DCC: variants seen among roughly 807,000 people sequenced by gnomAD.
DCC encodes netrin receptor DCC.
Under a neutral mutation model 172.5 loss-of-function variants are expected in DCC, and 58 were observed. That is an observed-to-expected ratio of 0.34 (90% confidence interval 0.27 to 0.42). DCC has a LOEUF of 0.42. DCC is among the 10% of genes least tolerant of loss of function. The pLI, the probability that DCC is intolerant of heterozygous loss-of-function variation, is 1.00. For missense variants in DCC, 1,740 were observed against 1,791.0 expected, an observed-to-expected ratio of 0.97 and a Z score of 0.51; for synonymous variants, 709 against 644.5, an observed-to-expected ratio of 1.10 and a Z score of -1.52.
chr18:53,093,730 T>G (rs1447505561), intron 7 of DCC, among the ~76,000 whole-genome samples: 3 of 152,200 alleles, frequency 2.0e-5, no homozygotes, highest in African/African-American at 7.2e-5. Context: ...CTGATTGGCA[T>G]TCATGCTTGA....
chr18:52,503,466 T>C lies in DCC; in HGVS notation c.91+162588T>C, dbSNP rs985111217. On this transcript the variant is annotated intron_variant, in intron 1 of 28. Coordinates refer to ENST00000442544, the MANE Select transcript of DCC (RefSeq NM_005215.4). ...CCCTGAAATACAATATATTTATACA[T>C]AGATAAGTATACGTTTACCTATGAA... Among the ~76,000 whole-genome samples, 14 of 152,258 alleles carry C rather than the reference T, an allele frequency of 9.2e-5. No homozygotes were observed. In the South Asian group the frequency reaches 2.3e-3, roughly 25 times the overall value.
intron 1 of DCC, among the ~76,000 whole-genome samples, chr18:52,481,400 G>T (rs1310527852): frequency 6.7e-6 from 1 of 149,664 alleles, no homozygotes; most frequent in Non-Finnish European, 1.5e-5. Flanking sequence ...ATCTACCAAG[G>T]GTAGGTGAGA....
intron 5 of DCC, among the ~76,000 whole-genome samples, chr18:53,015,144 TCTG>T (rs1469513465): frequency 6.6e-6 from 1 of 152,206 alleles, no homozygotes; most frequent in African/African-American, 2.4e-5. Flanking sequence ...CGAAAATTCT[TCTG>T]CTTCCTGGGA....
At chr18:53,362,330 G>A (rs1568082609) in intron 15 of DCC, among the ~76,000 whole-genome samples, 1 of 152,036 alleles carries the variant, frequency 6.6e-6, no homozygotes, top group Admixed American at 6.6e-5. Flanking sequence ...TGCAACTCTG[G>A]GTAATAATAG....
intron 6 of DCC, among the ~76,000 whole-genome samples, chr18:53,065,333 G>A (rs1298038834): frequency 1.3e-5 from 2 of 152,076 alleles, no homozygotes; most frequent in Admixed American, 1.3e-4. Context: ...AACTGAATTA[G>A]TATAATTAAA....
chr18:52,364,653 C>A (rs536841925), intron 1 of DCC, among the ~76,000 whole-genome samples: 27 of 152,302 alleles, frequency 1.8e-4, no homozygotes, highest in African/African-American at 5.1e-4. Flanking sequence ...CCTTATTATG[C>A]CTCTGCCTTA....
chr18:53,513,131 G>A (rs968079718), intron 27 of DCC, among the ~76,000 whole-genome samples: 2 of 152,208 alleles, frequency 1.3e-5, no homozygotes, highest in South Asian at 2.1e-4. Flanking sequence ...AATCCTACAA[G>A]CCAAAAGAGA....
intron 7 of DCC, among the ~76,000 whole-genome samples, chr18:53,125,153 C>A (rs907783161): frequency 2.6e-5 from 4 of 152,038 alleles, no homozygotes; most frequent in Middle Eastern, 3.4e-3. Flanking sequence ...GGAAAATAAT[C>A]TTTTTTCTGA....
intron 2 of DCC, among the ~76,000 whole-genome samples, chr18:52,854,041 C>CTG (rs1203620701): frequency 1.3e-5 from 2 of 152,146 alleles, no homozygotes; most frequent in Non-Finnish European, 2.9e-5. Flanking sequence ...GTTTCTTCAA[C>CTG]TGTAAAGTAG....
At chr18:53,423,135 G>A (rs949590697) in intron 21 of DCC, among the ~76,000 whole-genome samples, 1 of 152,164 alleles carries the variant, frequency 6.6e-6, no homozygotes, top group South Asian at 2.1e-4. Flanking sequence ...AGGAATTGAT[G>A]TGATTCATGG....
intron 22 of DCC, among the ~76,000 whole-genome samples, chr18:53,437,306 T>C (rs954636334): frequency 6.6e-6 from 1 of 152,118 alleles, no homozygotes; most frequent in African/African-American, 2.4e-5. Flanking sequence ...CAGGGCTGGG[T>C]GTGGTGGCTC....
At chr18:53,145,826 T>C (rs2043904177) in intron 7 of DCC, among the ~76,000 whole-genome samples, 1 of 152,214 alleles carries the variant, frequency 6.6e-6, no homozygotes, top group Admixed American at 6.5e-5. Context: ...TGTTGCTTCA[T>C]AGCTTGATAG....
chr18:52,723,283 T>C (rs2036500475), intron 1 of DCC, among the ~76,000 whole-genome samples: 1 of 152,176 alleles, frequency 6.6e-6, no homozygotes, highest in Non-Finnish European at 1.5e-5. Flanking sequence ...ATAAAAATAT[T>C]CCAAAATGCA....
chr18:53,127,806 C>T (rs1160880678), intron 7 of DCC, among the ~76,000 whole-genome samples: 2 of 152,180 alleles, frequency 1.3e-5, no homozygotes, highest in East Asian at 3.9e-4. Flanking sequence ...GCTTTATAGT[C>T]GAAACTTATT....
intron 2 of DCC, chr18:52,816,722 G>A (rs1455826590): frequency 6.6e-6 from 1 of 152,124 alleles, no homozygotes; most frequent in Admixed American, 6.6e-5. Context: ...TCGCTAGAGA[G>A]TTGCAACAGC....
At chr18:53,075,604 T>G (rs2042715481) in intron 7 of DCC, among the ~76,000 whole-genome samples, 1 of 152,118 alleles carries the variant, frequency 6.6e-6, no homozygotes, top group Non-Finnish European at 1.5e-5. Flanking sequence ...AATGCTGGTT[T>G]TTATATTGAA....
chr18:53,047,903 ATGTG>A (rs35014270), intron 5 of DCC, among the ~76,000 whole-genome samples: 27,159 of 146,732 alleles, frequency 0.19, 2,790 homozygotes, highest in African/African-American at 0.29. Flanking sequence ...TTCCTTCGAG[ATGTG>A]TGTGTGTGTG....
At position 53,172,038 on chromosome 18, in the gene DCC, T is replaced by C. The variant is rs193040767; in HGVS notation, c.1419-6924T>C. Among the ~76,000 whole-genome samples, 35 of 152,248 alleles carry C rather than the reference T, an allele frequency of 2.3e-4. No homozygotes were observed. In the East Asian group the frequency reaches 5.8e-3, roughly 25 times the overall value. On this transcript the variant is annotated intron_variant, in intron 8 of 28. Transcript: ENST00000442544. The stretch of plus-strand genomic sequence containing the variant: ...CCCAGCAATCCTATTAACTGGTATA[T>C]ATCCAAAATAAATTAAATAATTCTA...
At position 52,780,990 on chromosome 18, in the gene DCC, T is replaced by A. The variant is rs371052824; in HGVS notation, c.412+28616T>A. 2.0e-4 allele frequency among the ~76,000 whole-genome samples: 31 copies of A among 152,172 alleles called. No individual in the cohort carries two copies. The South Asian group carries it at 6.0e-3, about 30-fold the overall frequency. On this transcript the variant is annotated intron_variant, in intron 2 of 28. Coordinates refer to ENST00000442544, the MANE Select transcript of DCC (RefSeq NM_005215.4). ...TGACATTTCTACACAAAAGACAGAT[T>A]AACAAGAAAAAAAGCAGAACAAATT...
Sources: gnomAD v4.1 joint callset for allele counts (sites outside exome capture counted in the v4.1 genomes callset) on GRCh38, gnomAD v4.1.1 for gene constraint, MANE v1.5 for transcripts, NCBI Gene and HGNC (gene_info 2026-07-23, HGNC 2026-07-21) for gene names.